The following NKAIN3 variants were observed in gnomAD, a reference collection of about 807,000 sequenced individuals.
NKAIN3 encodes sodium/potassium transporting ATPase interacting 3.
Under a neutral mutation model 30.2 loss-of-function variants are expected in NKAIN3, and 25 were observed. The ratio of observed to expected loss-of-function variants is 0.83; its 90% confidence interval spans 0.60 to 1.16. NKAIN3 has a LOEUF of 1.16. Ranked by LOEUF, NKAIN3 falls within the 50% of genes most tolerant of loss-of-function variation. The probability of loss-of-function intolerance (pLI) is 0.00; values close to 1 mark genes in which losing one functional copy is unlikely to be tolerated. For synonymous variants in NKAIN3, 91 were observed against 89.6 expected, an observed-to-expected ratio of 1.02 and a Z score of -0.09; for missense variants, 225 against 254.1, an observed-to-expected ratio of 0.89 and a Z score of 0.78.
At chr8:62,542,636 A>T (rs557610053) in intron 1 of NKAIN3, among the ~76,000 whole-genome samples, 3 of 152,190 alleles carry the variant, frequency 2.0e-5, no homozygotes, top group Non-Finnish European at 2.9e-5. Flanking sequence ...TCAGAAAAAA[A>T]AAGTGACTAA....
At chr8:62,992,473 C>T (rs1824341042) in intron 5 of NKAIN3, among the ~76,000 whole-genome samples, 1 of 152,036 alleles carries the variant, frequency 6.6e-6, no homozygotes, top group Non-Finnish European at 1.5e-5. Context: ...AGTTCTCTTG[C>T]CTTTATATAA....
chr8:62,931,914 T>C (rs1195890905), intron 5 of NKAIN3, among the ~76,000 whole-genome samples: 1 of 152,238 alleles, frequency 6.6e-6, no homozygotes, highest in African/African-American at 2.4e-5. Flanking sequence ...TCCTGTATTC[T>C]TTCCATATTT....
chr8:62,358,909 C>A (rs1045613545), intron 1 of NKAIN3, among the ~76,000 whole-genome samples: 1 of 152,086 alleles, frequency 6.6e-6, no homozygotes, highest in Non-Finnish European at 1.5e-5. Flanking sequence ...TGGCCGGGCG[C>A]GGTGGCTCAC....
Position 62,975,379 on chromosome 8 carries a change from G to A in NKAIN3, c.*9972G>A, listed in dbSNP as rs935828012. 6.6e-6 allele frequency among the ~76,000 whole-genome samples: 1 copy of A among 151,922 alleles called. No homozygotes were observed. Among genetic ancestry groups the A allele is most frequent in the Non-Finnish European group, 1.5e-5 (1 of 68,002 alleles). Reference sequence around the variant, plus strand: ...CTATTCAGGGATTCAACTTCTTCCTGGGTTAGTCATGGTAGGGTGAATGTG... The same window carrying A: ...CTATTCAGGGATTCAACTTCTTCCTAGGTTAGTCATGGTAGGGTGAATGTG... On this transcript the variant is annotated 3_prime_UTR_variant, in exon 7 of 7. Transcript: ENST00000623646.
intron 4 of NKAIN3, among the ~76,000 whole-genome samples, chr8:62,751,754 T>C (rs1434792863): frequency 6.6e-6 from 1 of 152,134 alleles, no homozygotes; most frequent in South Asian, 2.1e-4. Flanking sequence ...ATAGATAGTA[T>C]GTGTTACATA....
intron 1 of NKAIN3, among the ~76,000 whole-genome samples, chr8:62,528,899 A>G (rs369044603): frequency 1.3e-5 from 2 of 152,208 alleles, no homozygotes; most frequent in East Asian, 3.9e-4. Flanking sequence ...TTATCCCACT[A>G]AGTGATAGAT....
At chr8:62,326,409 A>G (rs529780602) in intron 1 of NKAIN3, among the ~76,000 whole-genome samples, 1 of 151,956 alleles carries the variant, frequency 6.6e-6, no homozygotes, top group South Asian at 2.1e-4. Flanking sequence ...TTTCTGGAAA[A>G]GTTTTTCCGA....
At chr8:62,506,476 C>CTTTCTTTTTTTT (rs71559373) in intron 1 of NKAIN3, among the ~76,000 whole-genome samples, 1 of 98,452 alleles carries the variant, frequency 1.0e-5, no homozygotes, top group Non-Finnish European at 1.9e-5. Flanking sequence ...TTCTTTCTTT[C>CTTTCTTTTTTTT]TTTTTTTTTT....
chr8:62,557,735 C>T (rs923000319), intron 1 of NKAIN3, among the ~76,000 whole-genome samples: 6 of 151,946 alleles, frequency 3.9e-5, no homozygotes, highest in African/African-American at 1.4e-4. Context: ...ATGTTCTTAG[C>T]CTGCTTTTTG....
intron 3 of NKAIN3, among the ~76,000 whole-genome samples, chr8:62,689,453 A>C (rs529600653): frequency 2.0e-5 from 3 of 152,124 alleles, no homozygotes; most frequent in Non-Finnish European, 4.4e-5. Flanking sequence ...TTACTTGTAC[A>C]TTTTGCATTT....
At chr8:62,743,627 G>T (rs945288440) in intron 3 of NKAIN3, among the ~76,000 whole-genome samples, 8 of 152,196 alleles carry the variant, frequency 5.3e-5, no homozygotes, top group Admixed American at 5.2e-4. Context: ...CCTAGCAATG[G>T]TCCTAGCTAT....
intron 4 of NKAIN3, among the ~76,000 whole-genome samples, chr8:62,865,157 G>T (rs931565378): frequency 6.6e-5 from 10 of 152,122 alleles, no homozygotes; most frequent in African/African-American, 2.4e-4. Flanking sequence ...CTGAAACCCT[G>T]GTGCCCTTTT....
intron 1 of NKAIN3, among the ~76,000 whole-genome samples, chr8:62,345,409 GTA>G (rs1471018960): frequency 1.0e-5 from 1 of 98,530 alleles, no homozygotes; most frequent in African/African-American, 4.4e-5. Context: ...ACACATATAT[GTA>G]TATATACACA....
chr8:62,336,350 G>A (rs1221407448), intron 1 of NKAIN3, among the ~76,000 whole-genome samples: 3 of 151,992 alleles, frequency 2.0e-5, no homozygotes, highest in Non-Finnish European at 4.4e-5. Context: ...TTTTGTGGAT[G>A]TCCATTAAGT....
At chr8:62,499,223 A>G (rs1187086753) in intron 1 of NKAIN3, among the ~76,000 whole-genome samples, 2 of 152,110 alleles carry the variant, frequency 1.3e-5, no homozygotes, top group South Asian at 4.1e-4. Flanking sequence ...GCCTTGGTAA[A>G]AGCTAGCTGC....
At chr8:62,809,416 A>G (rs1818412674) in intron 4 of NKAIN3, among the ~76,000 whole-genome samples, 1 of 152,184 alleles carries the variant, frequency 6.6e-6, no homozygotes, top group African/African-American at 2.4e-5. Flanking sequence ...CAGGCATAAG[A>G]AATTATAAAA....
rs1301108400 is a variant in NKAIN3, at chr8:62,980,233, T to C, written c.*14826T>C. 6.6e-6 allele frequency: 1 copy of C among 152,258 alleles called. No homozygotes were observed. Among genetic ancestry groups the C allele is most frequent in the Non-Finnish European group, 1.5e-5 (1 of 68,052 alleles). 9.4% of individuals were successfully genotyped at this position (152,258 alleles called of 1,614,324 possible). On this transcript the variant is annotated 3_prime_UTR_variant, in exon 7 of 7. Transcript: ENST00000623646. ...TTCTAAAAATTTTGTTCCTAAGGAATTGATTTTGCAAATCAGTGCTAAAGT... is the reference window on the plus strand; with the variant it reads ...TTCTAAAAATTTTGTTCCTAAGGAACTGATTTTGCAAATCAGTGCTAAAGT...
chr8:62,699,565 G>A (rs914414046), intron 3 of NKAIN3, among the ~76,000 whole-genome samples: 2 of 152,286 alleles, frequency 1.3e-5, no homozygotes, highest in African/African-American at 4.8e-5. Context: ...TGGCAGTGAT[G>A]AGGAGGGAGA....
intron 1 of NKAIN3, among the ~76,000 whole-genome samples, chr8:62,513,378 A>G (rs1234121876): frequency 1.3e-5 from 2 of 151,958 alleles, no homozygotes; most frequent in Non-Finnish European, 2.9e-5. Context: ...GGGGAAATAG[A>G]TATTAATCAA....
Sources: allele counts gnomAD v4.1 joint callset (sites outside exome capture counted in the v4.1 genomes callset), GRCh38; gene constraint gnomAD v4.1.1; transcripts MANE v1.5; gene names NCBI Gene and HGNC (gene_info 2026-07-23, HGNC 2026-07-21).